EEFSEC: variants seen among roughly 807,000 people sequenced by gnomAD.
EEFSEC encodes the protein eukaryotic elongation factor, selenocysteine-tRNA specific.
EEFSEC carries 43 observed loss-of-function variants against 42.1 expected under a neutral mutation model. The ratio of observed to expected loss-of-function variants is 1.02; its 90% confidence interval spans 0.80 to 1.32. The LOEUF (loss-of-function observed/expected upper bound fraction) is 1.32. Ranked by LOEUF, EEFSEC falls within the 40% of genes most tolerant of loss-of-function variation. The probability of loss-of-function intolerance (pLI) is 0.00; values close to 1 mark genes in which losing one functional copy is unlikely to be tolerated. For synonymous variants in EEFSEC, 354 were observed against 339.1 expected, an observed-to-expected ratio of 1.04 and a Z score of -0.48; for missense variants, 745 against 803.6, an observed-to-expected ratio of 0.93 and a Z score of 0.88.
intron 1 of EEFSEC, among the ~76,000 whole-genome samples, chr3:128,246,309 C>T (rs1422207675): frequency 6.6e-6 from 1 of 152,148 alleles, no homozygotes; most frequent in Admixed American, 6.5e-5. Flanking sequence ...GCTCCTAACA[C>T]CCCAGAAGGA....
rs147966870 is a variant in EEFSEC, at chr3:128,236,305, G to A, written c.317-10531G>A. Among the ~76,000 whole-genome samples the A allele has an allele frequency of 1.8e-3, 275 of 152,256 alleles. 2 individuals are homozygous for A. The highest frequency in any genetic ancestry group is 4.4e-3 in the South Asian group (21 of 4,818). ...TGTTACCAAATGTTTGAGGTGACTC[G>A]GCCTCCTGTATAAAACTTGGGTTCT... On this transcript the variant is annotated intron_variant, in intron 1 of 6. Transcript: ENST00000254730.
chr3:128,246,312 C>T (rs1314500688), intron 1 of EEFSEC, among the ~76,000 whole-genome samples: 1 of 152,184 alleles, frequency 6.6e-6, no homozygotes, highest in Non-Finnish European at 1.5e-5. Context: ...CCTAACACCC[C>T]AGAAGGAATA....
chr3:128,215,459 G>C (rs781254528), intron 1 of EEFSEC, among the ~76,000 whole-genome samples: 5 of 152,184 alleles, frequency 3.3e-5, no homozygotes, highest in Non-Finnish European at 4.4e-5. Flanking sequence ...TGAAGTAAGG[G>C]TAGTCATAGT....
chr3:128,403,647 C>T (rs963255087), intron 6 of EEFSEC, among the ~76,000 whole-genome samples: 2 of 152,164 alleles, frequency 1.3e-5, no homozygotes, highest in Non-Finnish European at 2.9e-5. Context: ...GCCCTCGTAC[C>T]GCACCACGCA....
chr3:128,164,599 C>G lies in EEFSEC; in HGVS notation c.316+10776C>G, dbSNP rs534519354. ...GCGGCCAGGTTGGCTGGGTCACAGG[C>G]CAGTCCAACTGGCTTGTGGGAATTG... On this transcript the variant is annotated intron_variant, in intron 1 of 6. Coordinates refer to ENST00000254730, the MANE Select transcript of EEFSEC (RefSeq NM_021937.5). Among the ~76,000 whole-genome samples, 127 of 152,220 alleles carry G rather than the reference C, an allele frequency of 8.3e-4. 4 individuals are homozygous for G. The South Asian group carries it at 0.026, about 31-fold the overall frequency.
intron 6 of EEFSEC, among the ~76,000 whole-genome samples, chr3:128,373,236 C>T (rs1325820176): frequency 6.6e-6 from 1 of 152,194 alleles, no homozygotes; most frequent in Non-Finnish European, 1.5e-5. Context: ...AACTGGGAGC[C>T]AGTGGAGTGT....
intron 4 of EEFSEC, among the ~76,000 whole-genome samples, chr3:128,330,428 G>A (rs148785619): frequency 2.4e-4 from 37 of 152,300 alleles, no homozygotes; most frequent in African/African-American, 7.2e-4. Flanking sequence ...CTGTCTGCCC[G>A]ATCCAGGAAA....
chr3:128,246,250 ACG>A (rs1286189330), intron 1 of EEFSEC, among the ~76,000 whole-genome samples: 1,704 of 140,354 alleles, frequency 0.012, 22 homozygotes, highest in African/African-American at 0.042. Flanking sequence ...ACACACACAC[ACG>A]CACACAAATG....
chr3:128,358,276 G>A lies in EEFSEC; in HGVS notation c.1503G>A (p.Gln501=). ...TGTTCAAAAAGGAAACCAACATCCA[G>A]CTCTTCGTGGGGCTCAAGGTGCACT... ...RSLFKKETNI[Q]LFVGLKVHLS... is the part of the protein sequence containing the mutation. The change falls in exon 6 of 7, where the codon CAG becomes CAA. Residue 501 remains glutamine, a synonymous_variant. Transcript: ENST00000254730. 6.2e-7 allele frequency: 1 copy of A among 1,614,224 alleles called. No homozygotes were observed. Among genetic ancestry groups the A allele is most frequent in the Non-Finnish European group, 8.5e-7 (1 of 1,180,032 alleles).
chr3:128,193,897 GA>G (rs2065553310), intron 1 of EEFSEC, among the ~76,000 whole-genome samples: 1 of 152,228 alleles, frequency 6.6e-6, no homozygotes, highest in Non-Finnish European at 1.5e-5. Flanking sequence ...GAAGGGAAGA[GA>G]AACAGTATAG....
intron 4 of EEFSEC, among the ~76,000 whole-genome samples, chr3:128,274,773 C>T (rs2066450396): frequency 1.3e-5 from 2 of 152,300 alleles, no homozygotes; most frequent in Middle Eastern, 3.4e-3. Context: ...AGTCTTGGGT[C>T]CCAGGCATAA....
chr3:128,410,685 TG>T (rs559211481), downstream of EEFSEC, among the ~76,000 whole-genome samples: 8 of 152,080 alleles, frequency 5.3e-5, no homozygotes, highest in Non-Finnish European at 1.0e-4. Context: ...GTGGGAGACT[TG>T]CCAGGCACAC....
At chr3:128,385,527 G>T (rs915555097) in intron 6 of EEFSEC, among the ~76,000 whole-genome samples, 19 of 152,230 alleles carry the variant, frequency 1.2e-4, no homozygotes, top group Non-Finnish European at 1.5e-5. Context: ...TGCGGCTGTG[G>T]CTTGCAGGGT....
intron 1 of EEFSEC, among the ~76,000 whole-genome samples, chr3:128,212,288 G>A (rs2065766545): frequency 6.6e-6 from 1 of 152,208 alleles, no homozygotes. Context: ...CTCATATCTG[G>A]ACAGGGGCTG....
At chr3:128,240,491 G>A (rs2107885855) in intron 1 of EEFSEC, among the ~76,000 whole-genome samples, 1 of 152,274 alleles carries the variant, frequency 6.6e-6, no homozygotes, top group South Asian at 2.1e-4. Flanking sequence ...TCTTTAAAAT[G>A]ACCCTCTTGT....
intron 4 of EEFSEC, among the ~76,000 whole-genome samples, chr3:128,304,594 A>T (rs763562980): frequency 6.6e-6 from 1 of 152,074 alleles, no homozygotes. Context: ...GACAATTTCC[A>T]TTCTTCCTTT....
intron 4 of EEFSEC, among the ~76,000 whole-genome samples, chr3:128,340,282 A>C (rs1207540172): frequency 6.6e-6 from 1 of 151,966 alleles, no homozygotes; most frequent in Non-Finnish European, 1.5e-5. Context: ...TACCCCACCC[A>C]GGCCTTCTCT....
At chr3:128,178,395 A>G (rs879569757) in intron 1 of EEFSEC, among the ~76,000 whole-genome samples, 11 of 152,208 alleles carry the variant, frequency 7.2e-5, no homozygotes, top group Non-Finnish European at 1.6e-4. Flanking sequence ...GCTCCTAAAG[A>G]TCATTCTTCA....
At chr3:128,217,086 G>T (rs530645430) in intron 1 of EEFSEC, among the ~76,000 whole-genome samples, 1 of 152,282 alleles carries the variant, frequency 6.6e-6, no homozygotes, top group East Asian at 1.9e-4. Context: ...ATAGAAAGAA[G>T]AAAATAAAAG....
Sources: allele counts gnomAD v4.1 joint callset (sites outside exome capture counted in the v4.1 genomes callset), GRCh38; gene constraint gnomAD v4.1.1; transcripts MANE v1.5; gene names NCBI Gene and HGNC (gene_info 2026-07-23, HGNC 2026-07-21).